Variants in WDR37 observed in about 807,000 individuals in gnomAD.
WDR37 encodes the protein WD repeat-containing protein 37.
A neutral mutation model predicts 62.9 loss-of-function variants in WDR37; 19 were observed. That is an observed-to-expected ratio of 0.30 (90% confidence interval 0.21 to 0.44). The LOEUF (loss-of-function observed/expected upper bound fraction) is 0.44. WDR37 is among the 20% of genes least tolerant of loss of function. WDR37 has a pLI of 1.00. For synonymous variants in WDR37, 250 were observed against 260.9 expected (o/e 0.96, Z 0.40); for missense variants, 474 against 657.6 (o/e 0.72, Z 3.05).
At chr10:1,119,904 A>G (rs1288508412) in intron 11 of WDR37, among the ~76,000 whole-genome samples, 1 of 152,222 alleles carries the variant, frequency 6.6e-6, no homozygotes, top group Non-Finnish European at 1.5e-5. Flanking sequence ...GCATGGCCCC[A>G]TGAGACTACT....
chr10:1,062,322 T>G (rs542134351), intron 1 of WDR37, among the ~76,000 whole-genome samples: 1 of 152,328 alleles, frequency 6.6e-6, no homozygotes, highest in African/African-American at 2.4e-5. Context: ...GAGGCTGGAA[T>G]AGCCAGTGAG....
rs183564765 is a variant in WDR37, at chr10:1,086,374, G to A, written c.604+17G>A. On this transcript the variant is annotated intron_variant, in intron 7 of 13. Coordinates refer to ENST00000263150, the MANE Select transcript of WDR37 (RefSeq NM_014023.4). ...TGGGCTCAGGTAAGCACTGCCTAAG[G>A]AGTGCCGTAGCCAGAGGCCGTTGCC... 32 of 1,607,376 alleles carry A rather than the reference G, an allele frequency of 2.0e-5. No individual in the cohort carries two copies. In the Admixed American group the frequency reaches 4.4e-4, roughly 22 times the overall value.
intron 11 of WDR37, among the ~76,000 whole-genome samples, chr10:1,119,568 C>T (rs1240651262): frequency 6.6e-6 from 1 of 152,216 alleles, no homozygotes; most frequent in Admixed American, 6.5e-5. Context: ...ATGGTAAACA[C>T]AGATGTTGCA....
At position 1,084,499 on chromosome 10, in the gene WDR37, G is replaced by C. The variant is rs765448977; in HGVS notation, c.493G>C (p.Ala165Pro). 1 of 1,614,172 alleles carries C rather than the reference G, an allele frequency of 6.2e-7. No homozygotes were observed. The highest frequency in any genetic ancestry group is 8.5e-7 in the Non-Finnish European group (1 of 1,180,022). ...GGACGGCATCTGGGATGTCAGCGTG[G>C]CCAAGACACAGCCAGTGGTGCTCGG... ...HRDGIWDVSV[A>P]KTQPVVLGTA... Residue 165 changes from alanine to proline, a missense_variant, in exon 6 of 14, where the codon GCC becomes CCC. Ala to Pro is a conservative substitution (Grantham distance 27, BLOSUM62 -1). Coordinates refer to ENST00000263150, the MANE Select transcript of WDR37 (RefSeq NM_014023.4).
intron 5 of WDR37, among the ~76,000 whole-genome samples, chr10:1,083,684 G>C (rs1834100109): frequency 6.6e-6 from 1 of 152,230 alleles, no homozygotes. Context: ...CATGAGAACT[G>C]TCTGCTGTGT....
intron 11 of WDR37, among the ~76,000 whole-genome samples, chr10:1,119,673 A>T (rs894094328): frequency 6.6e-6 from 1 of 152,188 alleles, no homozygotes; most frequent in African/African-American, 2.4e-5. Flanking sequence ...TTATAATATT[A>T]TAAGTGGCCA....
chr10:1,067,645 A>G (rs1489489772), intron 1 of WDR37, among the ~76,000 whole-genome samples: 2 of 152,232 alleles, frequency 1.3e-5, no homozygotes, highest in African/African-American at 4.8e-5. Context: ...GTGGATGACA[A>G]GCACATGAAA....
In WDR37 at chr10:1,101,950, C is replaced by T. The variant is rs541859112; in HGVS notation, c.727-1652C>T. ...GTGTCTCCATGTTGATTTGTGTTCC[C>T]GTGCTGCTCTGCATCCATGTGATAT... On this transcript the variant is annotated intron_variant, in intron 9 of 13. Coordinates refer to ENST00000263150, the MANE Select transcript of WDR37 (RefSeq NM_014023.4). Among the ~76,000 whole-genome samples, 8 of 152,330 alleles carry T rather than the reference C, an allele frequency of 5.3e-5. No homozygotes were observed. The East Asian group carries it at 1.2e-3, about 22-fold the overall frequency.
chr10:1,124,073 A>G, intron 11 of WDR37, 145 bp from the exon 12 acceptor site: 1 of 1,005,410 alleles, frequency 9.9e-7, no homozygotes, highest in Non-Finnish European at 1.4e-6. Flanking sequence ...AGGCTTTGGG[A>G]GGCGGGAGCA....
chr10:1,121,857 G>A lies in WDR37; in HGVS notation c.1104-2361G>A, dbSNP rs1001516214. Among the ~76,000 whole-genome samples the A allele has an allele frequency of 2.0e-5, 3 of 152,030 alleles. No individual in the cohort carries two copies. The highest frequency in any genetic ancestry group is 2.9e-5 in the Non-Finnish European group (2 of 67,994). The stretch of plus-strand genomic sequence containing the variant: ...TGCAGACGTGAAAACGGTCGCCGCC[G>A]CATCATCCTGACTGTGTTCCGGGGT... On this transcript the variant is annotated intron_variant, in intron 11 of 13. Transcript: ENST00000263150. The surrounding 1 kb of genome is among the most constrained non-coding windows in gnomAD (Gnocchi z 4.5).
In WDR37 at chr10:1,121,918, G is replaced by A. The variant is rs1290962008; in HGVS notation, c.1104-2300G>A. ...GAGCGTGTTGCCAGGTGTTGTTGAC[G>A]CACCTTGATTCTCAGTAGCTTTGCT... On this transcript the variant is annotated intron_variant, in intron 11 of 13. Coordinates refer to ENST00000263150, the MANE Select transcript of WDR37 (RefSeq NM_014023.4). This position sits in a 1 kb window ranked among gnomAD's most constrained non-coding sequence, Gnocchi z 4.5. Among the ~76,000 whole-genome samples the A allele has an allele frequency of 1.3e-5, 2 of 152,098 alleles. No individual in the cohort carries two copies. The highest frequency in any genetic ancestry group is 2.1e-4 in the South Asian group (1 of 4,810).
chr10:1,113,104 T>C (rs1467516137), intron 11 of WDR37, among the ~76,000 whole-genome samples: 1 of 152,154 alleles, frequency 6.6e-6, no homozygotes, highest in East Asian at 1.9e-4. Flanking sequence ...TGTGAGGGGC[T>C]AGTACAGCTG....
rs1245189681 is a variant in WDR37, at chr10:1,105,041, T to C, written c.962-85T>C. On this transcript the variant is annotated intron_variant, in intron 10 of 13. Transcript: ENST00000263150. The surrounding 1 kb of genome is among the most constrained non-coding windows in gnomAD (Gnocchi z 5.3). ...AGGTTCACAGTCTCAGAGAGACGGC[T>C]TCTTGGGTTCTTGTGCTGTTGAAAA... 2 of 1,535,598 alleles carry C rather than the reference T, an allele frequency of 1.3e-6. No individual in the cohort carries two copies. The highest frequency in any genetic ancestry group is 1.4e-5 in the African/African-American group (1 of 73,440).
rs1180840795 is a variant in WDR37, at chr10:1,132,196, A to G, written c.*2852A>G. The stretch of plus-strand genomic sequence containing the variant: ...GCTTTGTGTTATTGGGAGTCTTATT[A>G]TTTTTATAGTTTTTCATGTTTTGCT... On this transcript the variant is annotated 3_prime_UTR_variant, in exon 14 of 14. Coordinates refer to ENST00000263150, the MANE Select transcript of WDR37 (RefSeq NM_014023.4). The G allele has an allele frequency of 6.6e-6, 1 of 152,334 alleles. No individual in the cohort carries two copies. Among genetic ancestry groups the G allele is most frequent in the Non-Finnish European group, 1.5e-5 (1 of 68,010 alleles). 9.4% of individuals were successfully genotyped at this position (152,334 alleles called of 1,614,324 possible). A position where few individuals can be genotyped will look rare whatever the true frequency, so the allele number is the denominator to read the frequency against.
chr10:1,123,496 G>A (rs1835649920), intron 11 of WDR37, among the ~76,000 whole-genome samples: 1 of 152,154 alleles, frequency 6.6e-6, no homozygotes. Flanking sequence ...CTTAGATGAG[G>A]GGGATTCTTG....
intron 2 of WDR37, among the ~76,000 whole-genome samples, 187 bp from the exon 3 acceptor site, chr10:1,077,720 C>G (rs1833920911): frequency 6.6e-6 from 1 of 152,138 alleles, no homozygotes; most frequent in South Asian, 2.1e-4. Context: ...GCCATTTATA[C>G]AATTTGATTT....
At chr10:1,124,060 G>T (rs1835666856) in intron 11 of WDR37, 158 bp from the exon 12 acceptor site, 2 of 849,322 alleles carry the variant, frequency 2.4e-6, no homozygotes. Context: ...TGCACTGGTG[G>T]AGAGGCTTTG....
intron 2 of WDR37, chr10:1,074,419 C>T (rs957285225): frequency 1.5e-6 from 2 of 1,303,806 alleles, no homozygotes; most frequent in Non-Finnish European, 2.0e-6. Context: ...TCTGCTCCAC[C>T]TTTGGCCTGT....
At position 1,104,399 on chromosome 10, in the gene WDR37, G is replaced by C. The variant is rs191745128; in HGVS notation, c.961+563G>C. ...TCTGGCCCTGGGGCCCCTGCACAGG[G>C]CTTGCCTTTCCCACACAGCAGCCGC... On this transcript the variant is annotated intron_variant, in intron 10 of 13. Transcript: ENST00000263150. Among the ~76,000 whole-genome samples, 511 of 152,372 alleles carry C rather than the reference G, an allele frequency of 3.4e-3. 2 individuals carry two copies. The highest frequency in any genetic ancestry group is 3.9e-3 in the Non-Finnish European group (264 of 68,040).
Sources: allele counts gnomAD v4.1 joint callset (sites outside exome capture counted in the v4.1 genomes callset), GRCh38; gene constraint gnomAD v4.1.1; non-coding constraint Gnocchi (gnomAD v3.1); transcripts MANE v1.5; gene names NCBI Gene and HGNC (gene_info 2026-07-23, HGNC 2026-07-21).